TRIQK: variants seen among roughly 807,000 people sequenced by gnomAD.
TRIQK encodes the protein triple QxxK/R motif containing.
Under a neutral mutation model 10.8 loss-of-function variants are expected in TRIQK, and 10 were observed. The observed-to-expected ratio is 0.92, with a 90% confidence interval of 0.57 to 1.57. TRIQK has a LOEUF of 1.57. Ranked by LOEUF, TRIQK falls within the 40% of genes most tolerant of loss-of-function variation. The pLI is 0.00. For missense variants in TRIQK, 107 were observed against 97.7 expected, an observed-to-expected ratio of 1.09 and a Z score of -0.40; for synonymous variants, 33 against 33.7, an observed-to-expected ratio of 0.98 and a Z score of 0.07.
rs1813011285 is a variant in TRIQK at position 92,984,199 on chromosome 8, C to A, written c.-180-29635G>T. 2.0e-5 allele frequency among the ~76,000 whole-genome samples: 3 copies of A among 152,214 alleles called. No homozygotes were observed. In the South Asian group the frequency reaches 6.2e-4, roughly 32 times the overall value. On this transcript the variant is annotated intron_variant, in intron 1 of 4. Coordinates refer to the TRIQK transcript ENST00000520686. ...CTGTCTTCATCAAGTCTATTAGCATCCCTGTGCAAATAATGCTGCTTAAAT... is the reference window on the plus strand; with the variant it reads ...CTGTCTTCATCAAGTCTATTAGCATACCTGTGCAAATAATGCTGCTTAAAT...
At chr8:93,000,362 A>G (rs937461177) in intron 1 of TRIQK, among the ~76,000 whole-genome samples, 21 of 152,324 alleles carry the variant, frequency 1.4e-4, no homozygotes, top group Admixed American at 9.8e-4. Flanking sequence ...TCATGGCAGA[A>G]GGTGAAGAAA....
chr8:92,947,462 T>C (rs1199552624), intron 2 of TRIQK, among the ~76,000 whole-genome samples: 2 of 151,764 alleles, frequency 1.3e-5, no homozygotes, highest in East Asian at 3.9e-4. Context: ...TGGACTCCTG[T>C]AATCCCAGCT....
At chr8:92,949,826 GAAA>G (rs1811792692) in intron 2 of TRIQK, among the ~76,000 whole-genome samples, 1 of 101,952 alleles carries the variant, frequency 9.8e-6, no homozygotes, top group Non-Finnish European at 1.9e-5. Context: ...AAGAAAGAAA[GAAA>G]GAAAGAAAGA....
chr8:92,900,818 G>A (rs1808895640), intron 3 of TRIQK, among the ~76,000 whole-genome samples: 1 of 151,954 alleles, frequency 6.6e-6, no homozygotes, highest in South Asian at 2.1e-4. Flanking sequence ...TGAATTTATA[G>A]TTTGCTCTGG....
At chr8:92,988,880 CCCTT>C (rs1326548279) in intron 1 of TRIQK, among the ~76,000 whole-genome samples, 85 of 152,074 alleles carry the variant, frequency 5.6e-4, no homozygotes, top group African/African-American at 2.0e-3. Context: ...AAATGTTCAC[CCCTT>C]CCTTCCTTTT....
At chr8:92,975,277 A>C (rs1300619663) in intron 1 of TRIQK, among the ~76,000 whole-genome samples, 2 of 152,216 alleles carry the variant, frequency 1.3e-5, no homozygotes, top group African/African-American at 4.8e-5. Context: ...TGCCAGTGTT[A>C]CTTTCTTAAT....
chr8:92,943,579 C>A (rs1811376430), intron 2 of TRIQK, among the ~76,000 whole-genome samples: 1 of 152,164 alleles, frequency 6.6e-6, no homozygotes, highest in South Asian at 2.1e-4. Flanking sequence ...AGAAAAAGAA[C>A]AGTCTCTTCA....
chr8:92,995,270 A>G (rs1813142630), intron 1 of TRIQK, among the ~76,000 whole-genome samples: 1 of 152,074 alleles, frequency 6.6e-6, no homozygotes, highest in African/African-American at 2.4e-5. Flanking sequence ...AGTGCTATGA[A>G]TAAGTAGTTC....
intron 1 of TRIQK, among the ~76,000 whole-genome samples, chr8:93,013,417 C>T (rs1813356295): frequency 6.6e-6 from 1 of 151,992 alleles, no homozygotes; most frequent in African/African-American, 2.4e-5. Flanking sequence ...TCCTGGAACA[C>T]AGTCTATGGT....
At chr8:92,936,992 T>G (rs1353415752) in intron 2 of TRIQK, among the ~76,000 whole-genome samples, 1 of 151,718 alleles carries the variant, frequency 6.6e-6, no homozygotes, top group Non-Finnish European at 1.5e-5. Flanking sequence ...GGGAGCAATG[T>G]GGCAATACCC....
In TRIQK at chr8:92,916,931, A is replaced by G. The variant is rs1222170108; in HGVS notation, c.59T>C (p.Ile20Thr). 10 of 1,470,500 alleles carry G rather than the reference A, an allele frequency of 6.8e-6. No homozygotes were observed. The highest frequency in any genetic ancestry group is 5.7e-5 in the African/African-American group (4 of 69,750). The allele number at this position is 1,470,500 out of a possible 1,614,324, so 91.1% of individuals were successfully genotyped here. A position where few individuals can be genotyped will look rare whatever the true frequency, so the allele number is the denominator to read the frequency against. Residue 20 changes from isoleucine to threonine, a missense_variant and splice_region_variant, in exon 3 of 5, where the codon ATT becomes ACT. Ile to Thr is a moderately conservative substitution (Grantham distance 89, BLOSUM62 -1). Transcript: ENST00000521988. ...ATCAAAGATAATTCATTGCTTACCA[A>G]TTTGTTTTCTGTACTGATCAACAGG... ...KLPVDQYRKQ[I>T]GKQDYKKTKP...
intron 1 of TRIQK, among the ~76,000 whole-genome samples, chr8:93,015,512 T>A (rs901844485): frequency 6.6e-6 from 1 of 151,604 alleles, no homozygotes; most frequent in Non-Finnish European, 1.5e-5. Context: ...TAGCTTGAAT[T>A]CTAACTAGGA....
At chr8:92,931,774 T>C (rs536322985) in intron 2 of TRIQK, among the ~76,000 whole-genome samples, 6 of 152,140 alleles carry the variant, frequency 3.9e-5, no homozygotes, top group Admixed American at 1.3e-4. Context: ...AAGATAAACT[T>C]AAACCAGGAC....
chr8:92,885,570 GT>G lies in TRIQK; in HGVS notation c.*1051del, dbSNP rs1242376855. The stretch of plus-strand genomic sequence containing the variant: ...ACCAGTAAAAATATTGAATGTACAG[GT>G]CATTATGCTCCCACAAATACAAAAT... On this transcript the variant is annotated 3_prime_UTR_variant, in exon 5 of 5. Transcript: ENST00000521988. 6.6e-6 allele frequency: 1 copy of G among 151,532 alleles called. No individual in the cohort carries two copies. Among genetic ancestry groups the G allele is most frequent in the Admixed American group, 6.6e-5 (1 of 15,168 alleles). The allele number at this position is 151,532 out of a possible 1,614,324, so 9.4% of individuals were successfully genotyped here. A position where few individuals can be genotyped will look rare whatever the true frequency, so the allele number is the denominator to read the frequency against.
intron 3 of TRIQK, among the ~76,000 whole-genome samples, chr8:92,901,823 T>C (rs1444731942): frequency 6.6e-6 from 1 of 152,172 alleles, no homozygotes; most frequent in Non-Finnish European, 1.5e-5. Context: ...ATTGGTATTA[T>C]TTCTTCCTCG....
intron 1 of TRIQK, among the ~76,000 whole-genome samples, chr8:92,971,255 T>C (rs957636340): frequency 2.6e-5 from 4 of 152,056 alleles, no homozygotes; most frequent in African/African-American, 9.7e-5. Flanking sequence ...ATGCCCTCTC[T>C]CACCACTCCT....
chr8:92,929,964 AT>A (rs1209468163), intron 2 of TRIQK, among the ~76,000 whole-genome samples: 4 of 152,160 alleles, frequency 2.6e-5, no homozygotes, highest in African/African-American at 9.6e-5. Context: ...TTAAATAAAG[AT>A]TTTTTTATGA....
At chr8:92,890,916 T>A (rs1026479316) in intron 4 of TRIQK, among the ~76,000 whole-genome samples, 12 of 151,936 alleles carry the variant, frequency 7.9e-5, no homozygotes, top group African/African-American at 2.9e-4. Context: ...ATTTTTTTAA[T>A]GAATGAGATT....
At chr8:92,954,828 A>G (rs1812090763) in intron 1 of TRIQK, among the ~76,000 whole-genome samples, 1 of 151,888 alleles carries the variant, frequency 6.6e-6, no homozygotes, top group African/African-American at 2.4e-5. Context: ...ATTTAAATTT[A>G]TGTGACCCAG....
Sources: allele counts gnomAD v4.1 joint callset (sites outside exome capture counted in the v4.1 genomes callset), GRCh38; gene constraint gnomAD v4.1.1; transcripts MANE v1.5; gene names NCBI Gene and HGNC (gene_info 2026-07-23, HGNC 2026-07-21).